RELCH: variants seen among roughly 807,000 people sequenced by gnomAD.
RELCH encodes RAB11 binding and LisH domain, coiled-coil and HEAT repeat containing, also known as RAB11-binding protein RELCH.
A neutral mutation model predicts 150.3 loss-of-function variants in RELCH; 41 were observed. The observed-to-expected ratio is 0.27, with a 90% CI of 0.21 to 0.35. RELCH has a LOEUF of 0.35. Among genes scored for constraint, RELCH ranks in the 10% least tolerant of loss-of-function variants. RELCH has a pLI of 1.00. For synonymous variants in RELCH, 478 were observed against 531.8 expected (o/e 0.90, Z 1.39); for missense variants, 1,092 against 1,467.8 (o/e 0.74, Z 4.18).
chr18:62,269,055 A>G (rs1203399251), intron 20 of RELCH, 107 bp downstream of exon 20: 1 of 472,396 alleles, frequency 2.1e-6, no homozygotes, highest in African/African-American at 2.1e-5. Context: ...AAGAAAAACA[A>G]TTTACTTATT....
intron 12 of RELCH, among the ~76,000 whole-genome samples, chr18:62,253,267 T>TTGTG (rs68067609): frequency 0.081 from 11,034 of 136,332 alleles, 474 homozygotes; most frequent in East Asian, 0.12. Flanking sequence ...AGCAAGAAGA[T>TTGTG]TGTGTGTGTG....
chr18:62,281,652 A>T lies in RELCH; in HGVS notation c.3115-654A>T, dbSNP rs1337786990. Among the ~76,000 whole-genome samples, 3 of 152,332 alleles carry T rather than the reference A, an allele frequency of 2.0e-5. No individual in the cohort carries two copies. The South Asian group carries it at 6.2e-4, about 32-fold the overall frequency. ...AAATGAAAAAACCCTGTAGATTAGC[A>T]CATATATTATTTGTGGACATATTAC... On this transcript the variant is annotated intron_variant, in intron 24 of 28. Transcript: ENST00000644646.
At chr18:62,201,764 T>C (rs1251373435) in intron 1 of RELCH, among the ~76,000 whole-genome samples, 1 of 152,190 alleles carries the variant, frequency 6.6e-6, no homozygotes, top group Non-Finnish European at 1.5e-5. Flanking sequence ...ATTATTTTGC[T>C]ATTCCTGTCA....
At chr18:62,248,697 A>G (rs2042548643) in intron 11 of RELCH, among the ~76,000 whole-genome samples, 1 of 152,210 alleles carries the variant, frequency 6.6e-6, no homozygotes, top group African/African-American at 2.4e-5. Flanking sequence ...AAAATAAAAT[A>G]TTTAATATAT....
chr18:62,227,564 T>A, intron 6 of RELCH, 34 bp from the exon 7 acceptor site: 3 of 1,532,070 alleles, frequency 2.0e-6, no homozygotes. Flanking sequence ...CAGTGAGATC[T>A]TGAGTTTCTG....
chr18:62,191,615 C>T (rs2148167571), intron 1 of RELCH, among the ~76,000 whole-genome samples: 1 of 152,290 alleles, frequency 6.6e-6, no homozygotes, highest in Admixed American at 6.5e-5. Context: ...TGTTCAGCTC[C>T]TACTTATATA....
At chr18:62,213,377 A>G (rs1478254891) in intron 2 of RELCH, among the ~76,000 whole-genome samples, 3 of 152,084 alleles carry the variant, frequency 2.0e-5, no homozygotes, top group African/African-American at 7.2e-5. Flanking sequence ...CATTATTTAG[A>G]TATTTTAGTA....
intron 12 of RELCH, among the ~76,000 whole-genome samples, chr18:62,254,325 A>T (rs1032876189): frequency 6.6e-6 from 1 of 151,804 alleles, no homozygotes; most frequent in Non-Finnish European, 1.5e-5. Flanking sequence ...CTTTTGTTTT[A>T]TTTATTTCTA....
At chr18:62,298,999 T>G (rs1568451827) in intron 28 of RELCH, 139 bp downstream of exon 28, 4 of 575,892 alleles carry the variant, frequency 6.9e-6, no homozygotes, top group Non-Finnish European at 1.2e-5. Flanking sequence ...ATTTAAGTCA[T>G]TGGTTCTCAA....
At chr18:62,273,121 G>A (rs914468152) in intron 20 of RELCH, among the ~76,000 whole-genome samples, 77 of 150,636 alleles carry the variant, frequency 5.1e-4, no homozygotes, top group African/African-American at 1.8e-3. Flanking sequence ...GACCTTCTGT[G>A]TCCCTAATGT....
Position 62,272,625 on chromosome 18 carries a change from A to G in RELCH, c.2761-1355A>G, listed in dbSNP as rs985916297. 4.6e-5 allele frequency among the ~76,000 whole-genome samples: 7 copies of G among 152,126 alleles called. No homozygotes were observed. The South Asian group carries it at 1.2e-3, about 27-fold the overall frequency. On this transcript the variant is annotated intron_variant, in intron 20 of 28. Coordinates refer to ENST00000644646, the MANE Select transcript of RELCH (RefSeq NM_001346231.2). ...CATACCAGCAGTTAATGTTTATCTCACTAAACAAAAATTTTTGTTAGGGTA... is the reference window on the plus strand; with the variant it reads ...CATACCAGCAGTTAATGTTTATCTCGCTAAACAAAAATTTTTGTTAGGGTA...
intron 1 of RELCH, among the ~76,000 whole-genome samples, chr18:62,195,730 C>G (rs1243827172): frequency 6.6e-6 from 1 of 151,434 alleles, no homozygotes; most frequent in East Asian, 1.9e-4. Flanking sequence ...GACGGAGTCT[C>G]CCTCTGCCAG....
intron 10 of RELCH, among the ~76,000 whole-genome samples, chr18:62,241,898 A>G (rs1411440599): frequency 6.6e-6 from 1 of 152,200 alleles, no homozygotes; most frequent in Non-Finnish European, 1.5e-5. Flanking sequence ...TACAGAATCT[A>G]TTTTTTATTT....
chr18:62,252,241 T>C (rs2042751530), intron 11 of RELCH, among the ~76,000 whole-genome samples: 1 of 151,238 alleles, frequency 6.6e-6, no homozygotes, highest in Admixed American at 6.6e-5. Flanking sequence ...CCTCATGATC[T>C]GCCCGCCTCA....
intron 10 of RELCH, chr18:62,234,779 T>G (rs2041794035): frequency 1.3e-5 from 2 of 151,918 alleles, no homozygotes; most frequent in Admixed American, 1.3e-4. Flanking sequence ...AATTTGATTG[T>G]TTATCTTCAT....
intron 1 of RELCH, among the ~76,000 whole-genome samples, chr18:62,191,640 G>A (rs1236610492): frequency 6.6e-6 from 1 of 152,190 alleles, no homozygotes; most frequent in Non-Finnish European, 1.5e-5. Flanking sequence ...AACATACGGT[G>A]TTTGGTTTTC....
At chr18:62,300,063 T>G (rs2045596331) in intron 28 of RELCH, 1 of 152,214 alleles carries the variant, frequency 6.6e-6, no homozygotes, top group Admixed American at 6.5e-5. Flanking sequence ...TGTTGTCTCC[T>G]TCAATCCATA....
intron 1 of RELCH, among the ~76,000 whole-genome samples, chr18:62,196,433 T>C (rs1568296648): frequency 6.6e-6 from 1 of 152,168 alleles, no homozygotes; most frequent in Non-Finnish European, 1.5e-5. Context: ...TTTTGCCATG[T>C]TGGCCAGGCA....
Position 62,291,591 on chromosome 18 carries a change from G to A in RELCH, c.3419G>A (p.Cys1140Tyr), listed in dbSNP as rs201823885. 1.7e-4 allele frequency: 269 copies of A among 1,610,098 alleles called. No homozygotes were observed. Among genetic ancestry groups the A allele is most frequent in the Non-Finnish European group, 2.1e-4 (249 of 1,178,028 alleles). ...AATCACTTTTTACCTGGTCTCAGAT[G>A]TTTACGGACTGACATGGAACATCTC... is the stretch of plus-strand genomic sequence containing the variant. ...MVNHFLPGLR[C>Y]LRTDMEHLSP... The change falls in exon 27 of 29, where the codon TGT becomes TAT. Residue 1140 changes from cysteine to tyrosine, a missense_variant. Coordinates refer to ENST00000644646, the MANE Select transcript of RELCH (RefSeq NM_001346231.2).
Sources: allele counts gnomAD v4.1 joint callset (sites outside exome capture counted in the v4.1 genomes callset), GRCh38; gene constraint gnomAD v4.1.1; transcripts MANE v1.5; gene names NCBI Gene and HGNC (gene_info 2026-07-23, HGNC 2026-07-21).